Variants in SMCHD1 observed in about 807,000 individuals in gnomAD.
SMCHD1 encodes the protein structural maintenance of chromosomes flexible hinge domain containing 1.
SMCHD1 carries 78 observed loss-of-function variants against 254.7 expected under a neutral mutation model. That is an observed-to-expected ratio of 0.31 (90% confidence interval 0.26 to 0.37). The LOEUF (loss-of-function observed/expected upper bound fraction) is 0.37. Ranked by LOEUF, SMCHD1 falls within the 10% of genes least tolerant of loss-of-function variation. SMCHD1 has a pLI of 1.00. For missense variants in SMCHD1, 1,840 were observed against 2,408.1 expected, an observed-to-expected ratio of 0.76 and a Z score of 4.94; for synonymous variants, 766 against 794.9, an observed-to-expected ratio of 0.96 and a Z score of 0.61.
chr18:2,770,901 T>G (rs536102928), intron 39 of SMCHD1, among the ~76,000 whole-genome samples: 23 of 152,302 alleles, frequency 1.5e-4, no homozygotes, highest in Non-Finnish European at 2.1e-4. Context: ...GGATTACAGG[T>G]GTTAGCCACC....
chr18:2,661,817 C>T (rs1480966795), intron 1 of SMCHD1, among the ~76,000 whole-genome samples: 1 of 152,044 alleles, frequency 6.6e-6, no homozygotes, highest in Non-Finnish European at 1.5e-5. Context: ...GCTAAATGAA[C>T]TATTATATGC....
chr18:2,662,208 G>T (rs371124040), intron 1 of SMCHD1, among the ~76,000 whole-genome samples: 1,742 of 40,488 alleles, frequency 0.043, 45 homozygotes, highest in South Asian at 0.12. Flanking sequence ...AATAAAGAAA[G>T]AAAGAAAGAA....
chr18:2,750,615 C>T (rs2075553285), intron 32 of SMCHD1, 108 bp downstream of exon 32: 2 of 835,090 alleles, frequency 2.4e-6, no homozygotes, highest in East Asian at 5.9e-5. Flanking sequence ...ATGTAGGAGA[C>T]AGGGAAGCAA....
chr18:2,774,878 T>C (rs776142167), intron 41 of SMCHD1, among the ~76,000 whole-genome samples: 3 of 152,226 alleles, frequency 2.0e-5, no homozygotes, highest in Non-Finnish European at 4.4e-5. Flanking sequence ...ACAAGAATGC[T>C]TGTTGATGAT....
chr18:2,660,597 C>T (rs1157473816), intron 1 of SMCHD1, among the ~76,000 whole-genome samples: 2 of 151,068 alleles, frequency 1.3e-5, no homozygotes, highest in African/African-American at 4.9e-5. Context: ...CTTCAGCCTT[C>T]CAAATAGCTG....
chr18:2,698,680 TC>T (rs5822718), intron 10 of SMCHD1, among the ~76,000 whole-genome samples: 125,433 of 151,278 alleles, frequency 0.83, 55,177 homozygotes, highest in East Asian at 1. Context: ...CACCTTTTTT[TC>T]CCCCCCCAGT....
intron 20 of SMCHD1, 77 bp from the exon 21 acceptor site, chr18:2,724,822 C>G: frequency 1.6e-6 from 1 of 641,690 alleles, no homozygotes; most frequent in Non-Finnish European, 2.5e-6. Flanking sequence ...GCCAATGTCA[C>G]ATAGGAAAGC....
At chr18:2,676,415 G>A (rs368159138) in intron 5 of SMCHD1, among the ~76,000 whole-genome samples, 4 of 152,268 alleles carry the variant, frequency 2.6e-5, no homozygotes, top group African/African-American at 7.2e-5. Context: ...GTTGAGGCTT[G>A]AATGATCAGA....
intron 8 of SMCHD1, among the ~76,000 whole-genome samples, chr18:2,695,802 G>A (rs778336396): frequency 9.2e-5 from 14 of 152,036 alleles, no homozygotes; most frequent in African/African-American, 2.2e-4. Flanking sequence ...GTAATTATAC[G>A]CTAAGAGAAT....
chr18:2,672,112 A>T (rs749005010), intron 3 of SMCHD1, among the ~76,000 whole-genome samples: 2 of 152,150 alleles, frequency 1.3e-5, no homozygotes, highest in East Asian at 3.9e-4. Flanking sequence ...CCTTAGCCAG[A>T]TTACCCTTGT....
In SMCHD1 at chr18:2,748,751, C is replaced by CA. The variant is rs541567867; in HGVS notation, c.3927+1105dup. 3.9e-4 allele frequency among the ~76,000 whole-genome samples: 60 copies of CA among 152,082 alleles called. 1 individual carries two copies. Among genetic ancestry groups the CA allele is most frequent in the Non-Finnish European group, 5.7e-4 (39 of 68,012 alleles). Reference sequence around the variant, plus strand: ...TTGGTTGAAGGGAATTCATTGGTCCCAGCCAGGTTGTTGCTAAGCAAGCCA... The same window carrying CA: ...TTGGTTGAAGGGAATTCATTGGTCCCAAGCCAGGTTGTTGCTAAGCAAGCCA... On this transcript the variant is annotated intron_variant, in intron 30 of 47. Transcript: ENST00000320876.
At chr18:2,791,033 G>A (rs552171956) in intron 45 of SMCHD1, among the ~76,000 whole-genome samples, 1 of 152,026 alleles carries the variant, frequency 6.6e-6, no homozygotes, top group Non-Finnish European at 1.5e-5. Flanking sequence ...AAAATTAAAA[G>A]AATTTATTAA....
chr18:2,718,969 T>G lies in SMCHD1; in HGVS notation c.2458+535T>G, dbSNP rs918050043. Among the ~76,000 whole-genome samples the G allele has an allele frequency of 1.3e-5, 2 of 152,046 alleles. No homozygotes were observed. Among genetic ancestry groups the G allele is most frequent in the African/African-American group, 4.8e-5 (2 of 41,406 alleles). On this transcript the variant is annotated intron_variant, in intron 19 of 47. Transcript: ENST00000320876. This position sits in a 1 kb window ranked among gnomAD's most constrained non-coding sequence, Gnocchi z 4.6. ...TGGTAAAGTCTAAAGCTGTCCTGAT[T>G]CCTGACCCTGGGCATATTGCCCCTC...
chr18:2,779,210 CT>C (rs2076116148), intron 44 of SMCHD1, among the ~76,000 whole-genome samples: 1 of 152,182 alleles, frequency 6.6e-6, no homozygotes, highest in African/African-American at 2.4e-5. Context: ...TATTAGTCCT[CT>C]TTGTAGATTT....
rs146870234 is a variant in SMCHD1, at chr18:2,681,715, G to T, written c.639-6679G>T. On this transcript the variant is annotated intron_variant, in intron 5 of 47. Transcript: ENST00000320876. Reference sequence around the variant, plus strand: ...ACCTGGGACATAATTATAATAGTATGTGTATAATTATTTTGTAGGGGAGAG... The same window carrying T: ...ACCTGGGACATAATTATAATAGTATTTGTATAATTATTTTGTAGGGGAGAG... 7.2e-5 allele frequency among the ~76,000 whole-genome samples: 11 copies of T among 152,100 alleles called. No homozygotes were observed. The East Asian group carries it at 2.1e-3, about 29-fold the overall frequency.
chr18:2,717,877 G>T (rs376069707), intron 17 of SMCHD1, among the ~76,000 whole-genome samples: 5 of 152,028 alleles, frequency 3.3e-5, no homozygotes, highest in African/African-American at 7.2e-5. Context: ...TTTTGGAGAG[G>T]TCATGTTATT....
At chr18:2,765,606 G>A (rs2075852669) in intron 37 of SMCHD1, among the ~76,000 whole-genome samples, 1 of 152,072 alleles carries the variant, frequency 6.6e-6, no homozygotes, top group Admixed American at 6.6e-5. Flanking sequence ...AATTTATTTG[G>A]TGAAATCTAA....
intron 34 of SMCHD1, among the ~76,000 whole-genome samples, chr18:2,754,272 T>TTCCCAATACCAATGCCAGGTTTGA (rs1568314501): frequency 6.6e-6 from 1 of 152,174 alleles, no homozygotes; most frequent in East Asian, 1.9e-4. Context: ...GTGTTGGGGG[T>TTCCCAATACCAATGCCAGGTTTGA]TCCCAATACC....
chr18:2,675,916 T>C (rs2073737379), intron 5 of SMCHD1, among the ~76,000 whole-genome samples: 1 of 152,254 alleles, frequency 6.6e-6, no homozygotes, highest in African/African-American at 2.4e-5. Flanking sequence ...TTTTTGCTGC[T>C]GGTTTTAGTC....
Sources: allele counts gnomAD v4.1 joint callset (sites outside exome capture counted in the v4.1 genomes callset), GRCh38; gene constraint gnomAD v4.1.1; non-coding constraint Gnocchi (gnomAD v3.1); transcripts MANE v1.5; gene names NCBI Gene and HGNC (gene_info 2026-07-23, HGNC 2026-07-21).